Variants in TPX2 observed in about 807,000 individuals in gnomAD.
The protein encoded by TPX2 is TPX2 microtubule nucleation factor.
In TPX2, 21 loss-of-function variants were observed where a neutral mutation model predicts 93.6. That is an observed-to-expected ratio of 0.22 (90% confidence interval 0.16 to 0.32). The LOEUF (loss-of-function observed/expected upper bound fraction) is 0.32. TPX2 is among the 10% of genes least tolerant of loss of function. The probability of loss-of-function intolerance (pLI) is 1.00; values close to 1 mark genes in which losing one functional copy is unlikely to be tolerated. For missense variants in TPX2, 776 were observed against 871.1 expected (o/e 0.89, Z 1.37); for synonymous variants, 281 against 298.3 (o/e 0.94, Z 0.60).
chr20:31,760,255 A>C, intron 4 of TPX2, 76 bp downstream of exon 4: 1 of 1,560,312 alleles, frequency 6.4e-7, no homozygotes, highest in Non-Finnish European at 8.7e-7. Context: ...GTTCTGGGAA[A>C]ATTACCTAAA....
At chr20:31,791,185 G>T (rs537969055) in intron 12 of TPX2, among the ~76,000 whole-genome samples, 1 of 152,320 alleles carries the variant, frequency 6.6e-6, no homozygotes, top group East Asian at 1.9e-4. Flanking sequence ...AGGAGGCCAT[G>T]AAGGCGATAT....
chr20:31,787,592 G>C (rs1255045119), intron 12 of TPX2, among the ~76,000 whole-genome samples: 1 of 152,062 alleles, frequency 6.6e-6, no homozygotes, highest in Non-Finnish European at 1.5e-5. Context: ...GATTTTGAGG[G>C]CTTCATATTT....
chr20:31,776,471 C>T (rs2123041596), intron 8 of TPX2, among the ~76,000 whole-genome samples: 1 of 151,472 alleles, frequency 6.6e-6, no homozygotes, highest in Admixed American at 6.6e-5. Flanking sequence ...TTAGCACTTT[C>T]TACATATATT....
chr20:31,793,245 T>C (rs2062114104), intron 13 of TPX2, among the ~76,000 whole-genome samples: 1 of 152,090 alleles, frequency 6.6e-6, no homozygotes, highest in Non-Finnish European at 1.5e-5. Flanking sequence ...CCCAGAGGAG[T>C]TGCAAAGGTG....
intron 1 of TPX2, among the ~76,000 whole-genome samples, chr20:31,740,224 A>G (rs748240241): frequency 1.3e-5 from 2 of 152,184 alleles, no homozygotes; most frequent in Non-Finnish European, 2.9e-5. Context: ...ACTCCCCCCA[A>G]ATCAGGCCTA....
intron 2 of TPX2, among the ~76,000 whole-genome samples, chr20:31,751,630 C>T (rs1241339660): frequency 6.6e-6 from 1 of 152,066 alleles, no homozygotes; most frequent in Non-Finnish European, 1.5e-5. Flanking sequence ...TAGTGACTTG[C>T]CTATTGTCAT....
chr20:31,755,044 G>A (rs1210026061), intron 2 of TPX2, among the ~76,000 whole-genome samples: 3 of 152,160 alleles, frequency 2.0e-5, no homozygotes, highest in East Asian at 3.8e-4. Context: ...CGCTGCCTGC[G>A]TTCAAGGGAT....
intron 5 of TPX2, among the ~76,000 whole-genome samples, chr20:31,769,854 G>T (rs976318666): frequency 6.6e-6 from 1 of 152,188 alleles, no homozygotes; most frequent in Non-Finnish European, 1.5e-5. Context: ...CTGGCATGCA[G>T]TGGCACGCTC....
intron 4 of TPX2, among the ~76,000 whole-genome samples, chr20:31,764,759 T>G (rs1014012826): frequency 2.2e-4 from 34 of 152,142 alleles, no homozygotes; most frequent in African/African-American, 8.2e-4. Context: ...CAAAAATATT[T>G]CTTTAGGAGA....
In TPX2 at chr20:31,775,872, A is replaced by C. The variant is rs2061993467; in HGVS notation, c.614A>C (p.Lys205Thr). Residue 205 changes from lysine to threonine, a missense_variant, in exon 8 of 18, where the codon AAG (lysine) becomes ACG (threonine). By Grantham distance (78) the Lys-to-Thr change is moderately conservative (BLOSUM62 -1). Coordinates refer to ENST00000300403, the MANE Select transcript of TPX2 (RefSeq NM_012112.5). ...TVPCMPPAKQKFLKSTEEQEL... is the reference protein window; with the variant it reads ...TVPCMPPAKQTFLKSTEEQEL... ...TTTACTGATTTTCTCTTTAGGCAGA[A>C]GTTTCTAAAAAGTACTGAGGAGCAA... is the stretch of plus-strand genomic sequence containing the variant. The C allele has an allele frequency of 1.3e-6, 2 of 1,568,702 alleles. No individual in the cohort carries two copies. The highest frequency in any genetic ancestry group is 1.4e-5 in the African/African-American group (1 of 73,382).
chr20:31,747,460 G>GTCTATCTATCTA (rs540177871), intron 2 of TPX2, among the ~76,000 whole-genome samples: 9 of 145,096 alleles, frequency 6.2e-5, no homozygotes, highest in African/African-American at 2.0e-4. Flanking sequence ...CTGTCTGTCT[G>GTCTATCTATCTA]TCTATCTATC....
chr20:31,797,713 G>A (rs58335369), intron 16 of TPX2, among the ~76,000 whole-genome samples, 198 bp downstream of exon 16: 1 of 152,134 alleles, frequency 6.6e-6, no homozygotes, highest in Non-Finnish European at 1.5e-5. Flanking sequence ...GGATGTGTTA[G>A]GGCCAGATTC....
At chr20:31,774,833 G>A (rs2061985887) in intron 7 of TPX2, among the ~76,000 whole-genome samples, 1 of 151,984 alleles carries the variant, frequency 6.6e-6, no homozygotes, top group African/African-American at 2.4e-5. Context: ...TTGAACTCTT[G>A]GGCTCAAGCA....
At chr20:31,790,761 A>C (rs73903646) in intron 12 of TPX2, among the ~76,000 whole-genome samples, 2,690 of 152,292 alleles carry the variant, frequency 0.018, 84 homozygotes, top group African/African-American at 0.061. Flanking sequence ...GCCAAGGTCT[A>C]TGTTAGGTAC....
chr20:31,744,104 CTG>C (rs2061769571), intron 2 of TPX2, among the ~76,000 whole-genome samples: 1 of 150,368 alleles, frequency 6.7e-6, no homozygotes, highest in Non-Finnish European at 1.5e-5. Flanking sequence ...GGACAGCCAA[CTG>C]TATTTCATTT....
At chr20:31,769,473 C>T (rs2061950883) in intron 5 of TPX2, among the ~76,000 whole-genome samples, 1 of 152,152 alleles carries the variant, frequency 6.6e-6, no homozygotes, top group East Asian at 1.9e-4. Context: ...CGCCCGCCGC[C>T]ACGCCTGGCT....
At chr20:31,791,672 A>C (rs1364578765) in intron 12 of TPX2, among the ~76,000 whole-genome samples, 1 of 152,190 alleles carries the variant, frequency 6.6e-6, no homozygotes, top group African/African-American at 2.4e-5. Flanking sequence ...TGGAGGAATG[A>C]GTTGTGGAGC....
intron 2 of TPX2, among the ~76,000 whole-genome samples, chr20:31,754,111 A>AT (rs2061837079): frequency 6.6e-6 from 1 of 151,846 alleles, no homozygotes; most frequent in Admixed American, 6.6e-5. Context: ...TATTTATTTT[A>AT]TTTTTTGAGA....
intron 12 of TPX2, among the ~76,000 whole-genome samples, chr20:31,791,428 C>T (rs944527622): frequency 1.3e-5 from 2 of 152,114 alleles, no homozygotes; most frequent in Admixed American, 6.5e-5. Context: ...GGACTACAGG[C>T]ACCCGCCACC....
Sources: allele counts gnomAD v4.1 joint callset (sites outside exome capture counted in the v4.1 genomes callset), GRCh38; gene constraint gnomAD v4.1.1; transcripts MANE v1.5; gene names NCBI Gene and HGNC (gene_info 2026-07-23, HGNC 2026-07-21).